PITRM1: variants seen among roughly 807,000 people sequenced by gnomAD.
PITRM1 encodes the protein presequence protease, mitochondrial.
A neutral mutation model predicts 129.9 loss-of-function variants in PITRM1; 100 were observed. The observed-to-expected ratio is 0.77, with a 90% CI of 0.65 to 0.91. PITRM1 has a LOEUF of 0.91. Ranked by LOEUF, PITRM1 falls within the 40% of genes least tolerant of loss-of-function variation. The pLI, the probability that PITRM1 is intolerant of heterozygous loss-of-function variation, is 0.00. For missense variants in PITRM1, 1,471 were observed against 1,318.3 expected, an observed-to-expected ratio of 1.12 and a Z score of -1.79; for synonymous variants, 591 against 508.8, an observed-to-expected ratio of 1.16 and a Z score of -2.17.
At chr10:3,168,606 C>T (rs1843076766) in intron 2 of PITRM1, among the ~76,000 whole-genome samples, 1 of 147,110 alleles carries the variant, frequency 6.8e-6, no homozygotes, top group African/African-American at 2.7e-5. Context: ...CCATGTTATT[C>T]TCGTGACAGT....
At chr10:3,171,965 G>GA (rs1409804924) in intron 1 of PITRM1, among the ~76,000 whole-genome samples, 2 of 152,286 alleles carry the variant, frequency 1.3e-5, no homozygotes, top group South Asian at 2.1e-4. Context: ...TGTACAGGAA[G>GA]AAAAAACCTA....
chr10:3,158,022 C>G lies in PITRM1; in HGVS notation c.1250+18G>C. On this transcript the variant is annotated intron_variant, in intron 11 of 26. Transcript: ENST00000224949. The stretch of plus-strand genomic sequence containing the variant: ...AATGAGGAACGAAAGCAGATTGTTA[C>G]AAACAAGCTACACTCACTCAACTAC... 2 of 1,457,432 alleles carry G rather than the reference C, an allele frequency of 1.4e-6. No homozygotes were observed. The highest frequency in any genetic ancestry group is 9.7e-7 in the Non-Finnish European group (1 of 1,036,178). 90.3% of individuals were successfully genotyped at this position (1,457,432 alleles called of 1,614,324 possible).
rs559829530 is a variant in PITRM1 at position 3,148,667 on chromosome 10, C to CT, written c.1872-377dup. ...CCCAGATCACCGTGATACATACTTC[C>CT]TTTGTTTTGCTCGAATGTCTGGTAG... On this transcript the variant is annotated intron_variant, in intron 16 of 26. Transcript: ENST00000224949. 1.6e-4 allele frequency: 27 copies of CT among 172,386 alleles called. No homozygotes were observed. The East Asian group carries it at 3.8e-3, about 24-fold the overall frequency. 10.7% of individuals were successfully genotyped at this position (172,386 alleles called of 1,614,324 possible).
chr10:3,160,092 C>T, intron 8 of PITRM1, 112 bp downstream of exon 8: 1 of 1,316,596 alleles, frequency 7.6e-7, no homozygotes. Context: ...AAAAGCTCTC[C>T]CATACTCTGT....
intron 16 of PITRM1, chr10:3,148,767 T>C (rs1306097741): frequency 6.5e-6 from 1 of 154,552 alleles, no homozygotes; most frequent in African/African-American, 2.4e-5. Flanking sequence ...GCACTCATGC[T>C]TTTGAAAGAA....
chr10:3,171,613 G>C (rs1843367304), intron 1 of PITRM1, among the ~76,000 whole-genome samples: 1 of 152,158 alleles, frequency 6.6e-6, no homozygotes, highest in Admixed American at 6.5e-5. Flanking sequence ...GCTAATTTTT[G>C]TATTTTTAGT....
Position 3,165,435 on chromosome 10 carries a change from A to G in PITRM1, c.511T>C (p.Cys171Arg), listed in dbSNP as rs1477705873. 3 of 1,612,920 alleles carry G rather than the reference A, an allele frequency of 1.9e-6. No homozygotes were observed. Among genetic ancestry groups the G allele is most frequent in the Admixed American group, 1.7e-5 (1 of 59,960 alleles). The change falls in exon 5 of 27, where the codon TGT (cysteine) becomes CGT (arginine). Residue 171 changes from cysteine to arginine, a missense_variant. Physicochemically the swap from Cys to Arg is radical, Grantham distance 180. Coordinates refer to ENST00000224949, the MANE Select transcript of PITRM1 (RefSeq NM_014889.4). ...SVYLDATFFP[C>R]LRELDFWQEG... The stretch of plus-strand genomic sequence containing the variant: ...TACCAGAAATCCAGCTCGCGTAAAC[A>G]TGGGAAAAAGGTGGCATCCAAATAC...
At chr10:3,168,511 T>A (rs1432321072) in intron 2 of PITRM1, among the ~76,000 whole-genome samples, 2 of 147,526 alleles carry the variant, frequency 1.4e-5, no homozygotes, top group Non-Finnish European at 3.0e-5. Context: ...CACCCAAATC[T>A]CATCTTGAAT....
intron 20 of PITRM1, 69 bp from the exon 21 acceptor site, chr10:3,145,785 T>G: frequency 1.7e-6 from 2 of 1,176,558 alleles, no homozygotes; most frequent in Non-Finnish European, 1.2e-6. Flanking sequence ...CATCACATTT[T>G]GTATAACTCA....
At chr10:3,149,906 G>A (rs1358952629) in intron 15 of PITRM1, among the ~76,000 whole-genome samples, 153 bp from the exon 16 acceptor site, 5 of 152,064 alleles carry the variant, frequency 3.3e-5, no homozygotes, top group African/African-American at 1.2e-4. Flanking sequence ...ATATTTTCAT[G>A]ACTAAAAACT....
At chr10:3,145,831 G>A in intron 20 of PITRM1, 115 bp from the exon 21 acceptor site, 1 of 838,598 alleles carries the variant, frequency 1.2e-6, no homozygotes, top group South Asian at 1.7e-5. Flanking sequence ...TGTTCAGAGT[G>A]TTAAACAGCA....
chr10:3,153,423 T>C (rs1278108397), intron 14 of PITRM1, among the ~76,000 whole-genome samples: 1 of 152,100 alleles, frequency 6.6e-6, no homozygotes, highest in East Asian at 1.9e-4. Context: ...GGTTAAAAAA[T>C]AGAGCTTAAA....
intron 20 of PITRM1, chr10:3,146,206 C>CA (rs1840845260): frequency 6.1e-6 from 1 of 163,620 alleles, no homozygotes; most frequent in Non-Finnish European, 1.3e-5. Flanking sequence ...ATACTACTAT[C>CA]ATATAAAAGC....
chr10:3,138,843 A>G (rs1483130175), intron 25 of PITRM1, 61 bp downstream of exon 25: 1 of 1,560,464 alleles, frequency 6.4e-7, no homozygotes, highest in Non-Finnish European at 8.8e-7. Context: ...GGGAACTTGG[A>G]AAACAGCAAC....
chr10:3,161,137 C>T (rs894306067), intron 7 of PITRM1, among the ~76,000 whole-genome samples: 1 of 152,164 alleles, frequency 6.6e-6, no homozygotes, highest in Non-Finnish European at 1.5e-5. Context: ...AGCAATCCTC[C>T]CATCTTGGCC....
At chr10:3,141,732 C>T (rs1326188236) in intron 23 of PITRM1, 1 of 460,428 alleles carries the variant, frequency 2.2e-6, no homozygotes, top group Non-Finnish European at 4.5e-6. Context: ...ACAGACAGGC[C>T]TTTTCCTAAA....
chr10:3,141,437 C>A, intron 23 of PITRM1: 1 of 220,002 alleles, frequency 4.5e-6, no homozygotes, highest in Non-Finnish European at 9.9e-6. Flanking sequence ...AGCAAATGAA[C>A]ATTTATTTAA....
Position 3,165,497 on chromosome 10 carries a change from G to A in PITRM1, c.449C>T (p.Thr150Ile). The change falls in exon 5 of 27, where the codon ACA becomes ATA. Residue 150 changes from threonine to isoleucine, a missense_variant. Transcript: ENST00000224949. ...ATTCTGAAAGTCCTTGGGATTTTGT[G>A]TGGAAAATGGATACAGAGTATAATC... Reference protein sequence around the residue: ...ASDYTLYPFSTQNPKDFQNLL... With the variant: ...ASDYTLYPFSIQNPKDFQNLL... 1 of 1,610,132 alleles carries A rather than the reference G, an allele frequency of 6.2e-7. No homozygotes were observed. Among genetic ancestry groups the A allele is most frequent in the Non-Finnish European group, 8.5e-7 (1 of 1,176,704 alleles).
rs763699085 is a variant in PITRM1 at position 3,159,845 on chromosome 10, T to A, written c.1007+3A>T. 1.2e-5 allele frequency: 19 copies of A among 1,566,850 alleles called. No homozygotes were observed. Among genetic ancestry groups the A allele is most frequent in the Non-Finnish European group, 1.7e-5 (19 of 1,142,322 alleles). On this transcript the variant is annotated splice_donor_region_variant and intron_variant, in intron 9 of 26. Transcript: ENST00000224949. ...TGTATGAGCTTTGACAGCATATACTTACTCCGGTAAGAGGAAGCTAACGCT... is the reference window on the plus strand; with the variant it reads ...TGTATGAGCTTTGACAGCATATACTAACTCCGGTAAGAGGAAGCTAACGCT...
Sources: gnomAD v4.1 joint callset for allele counts (sites outside exome capture counted in the v4.1 genomes callset) on GRCh38, gnomAD v4.1.1 for gene constraint, MANE v1.5 for transcripts, NCBI Gene and HGNC (gene_info 2026-07-23, HGNC 2026-07-21) for gene names.